Variants in IL34 observed in about 807,000 individuals in gnomAD.
IL34 encodes the protein interleukin-34.
Under a neutral mutation model 25.3 loss-of-function variants are expected in IL34, and 17 were observed. The observed-to-expected ratio is 0.67, with a 90% CI of 0.46 to 1.01. The LOEUF (loss-of-function observed/expected upper bound fraction) is 1.01, where lower values mean the gene tolerates loss of function less well. Among genes scored for constraint, IL34 ranks in the 50% least tolerant of loss-of-function variants. The pLI is 0.00. For missense variants in IL34, 368 were observed against 312.9 expected, an observed-to-expected ratio of 1.18 and a Z score of -1.33; for synonymous variants, 174 against 140.9, an observed-to-expected ratio of 1.23 and a Z score of -1.66.
At chr16:70,651,262 G>A (rs2052071821) in intron 1 of IL34, among the ~76,000 whole-genome samples, 1 of 152,158 alleles carries the variant, frequency 6.6e-6, no homozygotes, top group Admixed American at 6.5e-5. Flanking sequence ...CAAAGCATGA[G>A]CCCAGGAGGC....
At chr16:70,640,880 G>A (rs755170943) in intron 1 of IL34, among the ~76,000 whole-genome samples, 5 of 151,992 alleles carry the variant, frequency 3.3e-5, no homozygotes, top group East Asian at 3.9e-4. Flanking sequence ...GGATGTCACC[G>A]ATATAATTTC....
At chr16:70,586,687 C>T (rs1320758812) in intron 1 of IL34, among the ~76,000 whole-genome samples, 1 of 152,168 alleles carries the variant, frequency 6.6e-6, no homozygotes, top group African/African-American at 2.4e-5. Flanking sequence ...TGGCAGGCAC[C>T]GTCCTGGACC....
intron 1 of IL34, among the ~76,000 whole-genome samples, chr16:70,625,868 G>C (rs34714789): frequency 0.1 from 15,732 of 152,274 alleles, 881 homozygotes; most frequent in South Asian, 0.17. Context: ...GCCACTTACC[G>C]GATTTGAAAT....
intron 1 of IL34, among the ~76,000 whole-genome samples, chr16:70,650,324 G>A (rs2052047502): frequency 6.6e-6 from 1 of 152,212 alleles, no homozygotes; most frequent in African/African-American, 2.4e-5. Flanking sequence ...AATGATGTTT[G>A]GGCTGCACTC....
At position 70,636,887 on chromosome 16, in the gene IL34, AT is replaced by A. The variant is rs571205439; in HGVS notation, c.-400-9651del. Reference sequence around the variant, plus strand: ...TATTGCCCCTTCCCTATTTTATTTTATTTTTTTTTTGAGACGGGGTTTCGTT... The same window carrying A: ...TATTGCCCCTTCCCTATTTTATTTTATTTTTTTTTGAGACGGGGTTTCGTT... On this transcript the variant is annotated intron_variant, in intron 1 of 6. Transcript: ENST00000429149. 1.3e-4 allele frequency among the ~76,000 whole-genome samples: 20 copies of A among 149,816 alleles called. No individual in the cohort carries two copies. The East Asian group carries it at 2.9e-3, about 22-fold the overall frequency.
chr16:70,637,499 T>C (rs2051681786), intron 1 of IL34, among the ~76,000 whole-genome samples: 1 of 150,120 alleles, frequency 6.7e-6, no homozygotes, highest in South Asian at 2.2e-4. Flanking sequence ...GCATACACCA[T>C]CAGGCCCGGC....
chr16:70,649,945 C>T (rs907084762), intron 1 of IL34, among the ~76,000 whole-genome samples: 2 of 152,100 alleles, frequency 1.3e-5, no homozygotes, highest in African/African-American at 2.4e-5. Flanking sequence ...ACTACAGGCA[C>T]CTGCCACTGC....
Position 70,660,632 on chromosome 16 carries a change from G to A in IL34, c.*445G>A, listed in dbSNP as rs2052384408. 6.0e-6 allele frequency: 1 copy of A among 165,922 alleles called. No individual in the cohort carries two copies. The highest frequency in any genetic ancestry group is 1.3e-5 in the Non-Finnish European group (1 of 77,306). 10.3% of individuals were successfully genotyped at this position (165,922 alleles called of 1,614,324 possible). On this transcript the variant is annotated 3_prime_UTR_variant, in exon 6 of 6. Transcript: ENST00000288098. ...GTGCCAAGTGCCACATCTTGCCATAGTGGATGCTCTTCCAGTTTCTTTTTT... is the reference window on the plus strand; with the variant it reads ...GTGCCAAGTGCCACATCTTGCCATAATGGATGCTCTTCCAGTTTCTTTTTT...
At chr16:70,654,328 C>T (rs1371804253) in intron 1 of IL34, 3 of 540,136 alleles carry the variant, frequency 5.6e-6, no homozygotes, top group Non-Finnish European at 9.4e-6. Flanking sequence ...TGGGTGTGGA[C>T]TCTCTGCACT....
chr16:70,617,387 G>C (rs1335952675), intron 1 of IL34, among the ~76,000 whole-genome samples: 3 of 152,156 alleles, frequency 2.0e-5, no homozygotes, highest in Non-Finnish European at 4.4e-5. Flanking sequence ...TGGAGAAACT[G>C]TGTAAACCGG....
intron 2 of IL34, among the ~76,000 whole-genome samples, chr16:70,655,932 A>G (rs1015296619): frequency 6.6e-6 from 1 of 152,242 alleles, no homozygotes; most frequent in Non-Finnish European, 1.5e-5. Context: ...TATATATAAA[A>G]GACATAATTT....
rs113427344 is a variant in IL34, at chr16:70,618,360, G to A, written c.-400-28188G>A. Among the ~76,000 whole-genome samples the A allele has an allele frequency of 5.3e-5, 8 of 152,140 alleles. No homozygotes were observed. In the East Asian group the frequency reaches 5.8e-4, roughly 11 times the overall value. ...GGTATCAGGAATAATGTGGGAGGCC[G>A]GATTGAAGTCTGGGCCAGGAACAAC... On this transcript the variant is annotated intron_variant, in intron 1 of 6. Transcript: ENST00000429149.
At chr16:70,598,586 A>T (rs997050248) in intron 1 of IL34, among the ~76,000 whole-genome samples, 20 of 152,086 alleles carry the variant, frequency 1.3e-4, no homozygotes, top group African/African-American at 4.3e-4. Context: ...TAAAAATACA[A>T]AAATTAGCCA....
chr16:70,610,958 GCTT>G (rs1414518813), intron 1 of IL34, among the ~76,000 whole-genome samples: 1 of 135,282 alleles, frequency 7.4e-6, no homozygotes, highest in Non-Finnish European at 1.6e-5. Context: ...GATTTTGGGG[GCTT>G]CTTCTTTCTT....
At chr16:70,656,492 C>T in intron 2 of IL34, 110 bp from the exon 3 acceptor site, 6 of 765,372 alleles carry the variant, frequency 7.8e-6, no homozygotes, top group South Asian at 7.3e-5. Context: ...GCACTCCATA[C>T]TGGGTGACAG....
chr16:70,582,698 T>C (rs569697023), intron 1 of IL34, among the ~76,000 whole-genome samples: 3 of 152,236 alleles, frequency 2.0e-5, no homozygotes. Flanking sequence ...AGAAAATCCA[T>C]GTGTTCATTT....
chr16:70,613,490 A>G (rs2051122794), intron 1 of IL34, among the ~76,000 whole-genome samples: 1 of 152,194 alleles, frequency 6.6e-6, no homozygotes, highest in Admixed American at 6.5e-5. Context: ...CTCATCTGTG[A>G]AACAACTGGA....
chr16:70,635,561 C>T (rs780465424), intron 1 of IL34, among the ~76,000 whole-genome samples: 1 of 152,156 alleles, frequency 6.6e-6, no homozygotes, highest in Non-Finnish European at 1.5e-5. Context: ...TGGAGTCCTT[C>T]AGCAGAACAT....
chr16:70,635,076 T>C (rs1274903942), intron 1 of IL34, among the ~76,000 whole-genome samples: 2 of 152,206 alleles, frequency 1.3e-5, no homozygotes, highest in African/African-American at 2.4e-5. Context: ...ATTCGTCTTA[T>C]GGCCATAGAG....
Sources: allele counts gnomAD v4.1 joint callset (sites outside exome capture counted in the v4.1 genomes callset), GRCh38; gene constraint gnomAD v4.1.1; transcripts MANE v1.5; gene names NCBI Gene and HGNC (gene_info 2026-07-23, HGNC 2026-07-21).